Variants in MACROD2 observed in about 807,000 individuals in gnomAD.
MACROD2 encodes mono-ADP ribosylhydrolase 2.
MACROD2 carries 36 observed loss-of-function variants against 70.4 expected under a neutral mutation model. The observed-to-expected ratio is 0.51, with a 90% CI of 0.39 to 0.68. The LOEUF (loss-of-function observed/expected upper bound fraction) is 0.68, where lower values mean the gene tolerates loss of function less well. Among genes scored for constraint, MACROD2 ranks in the 30% least tolerant of loss-of-function variants. The pLI, the probability that MACROD2 is intolerant of heterozygous loss-of-function variation, is 0.00. For synonymous variants in MACROD2, 172 were observed against 178.8 expected (o/e 0.96, Z 0.30); for missense variants, 496 against 538.4 (o/e 0.92, Z 0.78).
chr20:15,137,722 A>T (rs963588227), intron 5 of MACROD2, among the ~76,000 whole-genome samples: 26 of 152,142 alleles, frequency 1.7e-4, no homozygotes, highest in Admixed American at 2.6e-4. Flanking sequence ...TAATAAAAAA[A>T]AATAATAATC....
At chr20:15,885,458 T>C (rs1349355322) in intron 9 of MACROD2, among the ~76,000 whole-genome samples, 4 of 152,170 alleles carry the variant, frequency 2.6e-5, no homozygotes, top group Admixed American at 2.6e-4. Context: ...TTTTGAGCAA[T>C]TGAAATGACT....
intron 3 of MACROD2, among the ~76,000 whole-genome samples, chr20:14,436,398 C>T (rs183346709): frequency 4.1e-4 from 63 of 152,312 alleles, no homozygotes; most frequent in Non-Finnish European, 7.3e-5. Flanking sequence ...TAACACCTCT[C>T]CTGCTTCCCA....
intron 5 of MACROD2, among the ~76,000 whole-genome samples, chr20:15,187,015 T>C (rs973009980): frequency 9.5e-4 from 144 of 152,338 alleles, no homozygotes; most frequent in African/African-American, 3.2e-3. Flanking sequence ...CTATATATTG[T>C]ATTTTATTCA....
In MACROD2 at chr20:15,879,862, C is replaced by A. The variant is rs578014337; in HGVS notation, c.728-5902C>A. Among the ~76,000 whole-genome samples the A allele has an allele frequency of 6.4e-4, 98 of 152,104 alleles. 1 individual carries two copies. Among genetic ancestry groups the A allele is most frequent in the African/African-American group, 2.3e-3 (95 of 41,486 alleles). On this transcript the variant is annotated intron_variant, in intron 9 of 17. Transcript: ENST00000684519. ...AGGCCTGAGAACCAATGGAACCAAC[C>A]GTGTAGTTGTAGTCTGAATGCTGGC... is the stretch of plus-strand genomic sequence containing the variant.
intron 3 of MACROD2, among the ~76,000 whole-genome samples, chr20:14,454,365 C>T (rs2084276523): frequency 1.3e-5 from 2 of 150,786 alleles, no homozygotes; most frequent in South Asian, 4.2e-4. Flanking sequence ...TTTTAACATT[C>T]AATAGCTGTA....
At chr20:14,397,192 A>G (rs1265527241) in intron 3 of MACROD2, among the ~76,000 whole-genome samples, 1 of 151,584 alleles carries the variant, frequency 6.6e-6, no homozygotes, top group African/African-American at 2.4e-5. Context: ...ATGGAGTTTC[A>G]CCATATTGGC....
chr20:15,692,100 C>A lies in MACROD2; in HGVS notation c.646-170645C>A, dbSNP rs571243481. On this transcript the variant is annotated intron_variant, in intron 8 of 17. Coordinates refer to ENST00000684519, the MANE Select transcript of MACROD2 (RefSeq NM_001351661.2). ...ACTTTGATTATTCTAGTTCCTGTGA[C>A]AGCTTTTGCTCATTGTACGTTAAGC... Among the ~76,000 whole-genome samples the A allele has an allele frequency of 3.9e-4, 60 of 152,236 alleles. 1 individual carries two copies. In the South Asian group the frequency reaches 0.011, roughly 28 times the overall value.
intron 4 of MACROD2, among the ~76,000 whole-genome samples, chr20:14,538,961 G>T (rs1216466439): frequency 6.6e-6 from 1 of 152,096 alleles, no homozygotes; most frequent in South Asian, 2.1e-4. Flanking sequence ...GTTCTGTTTC[G>T]CTGGTGTGTC....
chr20:15,072,901 AG>A (rs1482587734), intron 5 of MACROD2, among the ~76,000 whole-genome samples: 3 of 152,104 alleles, frequency 2.0e-5, no homozygotes, highest in Non-Finnish European at 4.4e-5. Context: ...GCCTAATAAA[AG>A]GTGTTTGGGT....
Position 15,935,461 on chromosome 20 carries a change from G to T in MACROD2, c.839-2015G>T, listed in dbSNP as rs113955937. Reference sequence around the variant, plus strand: ...CAGAGAAATCGAAGATGTGGTTATGGGTCGTTAAAGCTCTTTTGACCTGCT... The same window carrying T: ...CAGAGAAATCGAAGATGTGGTTATGTGTCGTTAAAGCTCTTTTGACCTGCT... On this transcript the variant is annotated intron_variant, in intron 11 of 17. Coordinates refer to ENST00000684519, the MANE Select transcript of MACROD2 (RefSeq NM_001351661.2). 8.9e-3 allele frequency among the ~76,000 whole-genome samples: 1,362 copies of T among 152,180 alleles called. 20 individuals carry two copies. Among genetic ancestry groups the T allele is most frequent in the African/African-American group, 0.031 (1,282 of 41,516 alleles).
intron 2 of MACROD2, among the ~76,000 whole-genome samples, chr20:14,015,420 A>G (rs560897674): frequency 6.6e-6 from 1 of 152,260 alleles, no homozygotes; most frequent in South Asian, 2.1e-4. Context: ...CATCTCTAAA[A>G]TGAACATTCA....
chr20:14,805,095 A>G (rs928894972), intron 5 of MACROD2, among the ~76,000 whole-genome samples: 1 of 151,966 alleles, frequency 6.6e-6, no homozygotes, highest in African/African-American at 2.4e-5. Flanking sequence ...ATGCCTTTTT[A>G]GGGGAGAGAG....
chr20:15,652,600 T>G (rs2049661740), intron 8 of MACROD2, among the ~76,000 whole-genome samples: 1 of 152,196 alleles, frequency 6.6e-6, no homozygotes, highest in African/African-American at 2.4e-5. Flanking sequence ...TTTGGGCATC[T>G]GCAAAATTAT....
intron 5 of MACROD2, among the ~76,000 whole-genome samples, chr20:14,921,369 C>T (rs1177467619): frequency 1.3e-5 from 2 of 152,114 alleles, no homozygotes; most frequent in Admixed American, 1.3e-4. Context: ...GCCGTCTTTG[C>T]CTGAGACAAG....
chr20:14,178,820 G>A (rs569882728), intron 3 of MACROD2, among the ~76,000 whole-genome samples: 63 of 141,772 alleles, frequency 4.4e-4, no homozygotes, highest in African/African-American at 1.6e-3. Flanking sequence ...TCCTTGTCAT[G>A]TAGTCTCACG....
At chr20:15,191,273 C>A (rs931701684) in intron 5 of MACROD2, among the ~76,000 whole-genome samples, 1 of 152,144 alleles carries the variant, frequency 6.6e-6, no homozygotes, top group East Asian at 1.9e-4. Context: ...TGAGGGTTGT[C>A]TGCAGGGACA....
At chr20:14,795,874 G>A (rs1027374334) in intron 5 of MACROD2, among the ~76,000 whole-genome samples, 13 of 152,000 alleles carry the variant, frequency 8.6e-5, no homozygotes, top group African/African-American at 3.1e-4. Context: ...GTGAAAACCA[G>A]GAGAGACGAT....
Position 15,085,697 on chromosome 20 carries a change from A to T in MACROD2, c.419-144243A>T, listed in dbSNP as rs562751801. Among the ~76,000 whole-genome samples the T allele has an allele frequency of 7.9e-5, 12 of 152,156 alleles. No homozygotes were observed. In the East Asian group the frequency reaches 2.3e-3, roughly 29 times the overall value. On this transcript the variant is annotated intron_variant, in intron 5 of 17. Coordinates refer to ENST00000684519, the MANE Select transcript of MACROD2 (RefSeq NM_001351661.2). ...TATATCCCTTGTTTGGAAATGTGATATTCTTATTGATTCCTTTGGTCTACA... is the reference window on the plus strand; with the variant it reads ...TATATCCCTTGTTTGGAAATGTGATTTTCTTATTGATTCCTTTGGTCTACA...
chr20:15,118,654 TA>T, intron 5 of MACROD2, among the ~76,000 whole-genome samples: 1 of 152,188 alleles, frequency 6.6e-6, no homozygotes, highest in South Asian at 2.1e-4. Context: ...TCTTATAGGA[TA>T]CTATTATGGT....
Sources: allele counts gnomAD v4.1 joint callset (sites outside exome capture counted in the v4.1 genomes callset), GRCh38; gene constraint gnomAD v4.1.1; transcripts MANE v1.5; gene names NCBI Gene and HGNC (gene_info 2026-07-23, HGNC 2026-07-21).